Variants in ZNF256 observed in about 807,000 individuals in gnomAD.
ZNF256 encodes bone marrow zinc finger 3.
A neutral mutation model predicts 7.9 loss-of-function variants in ZNF256; 4 were observed. The observed-to-expected ratio is 0.50, with a 90% CI of 0.25 to 1.15. The LOEUF is 1.15. ZNF256 is among the 50% of genes most tolerant of loss of function. ZNF256 has a pLI of 0.15. For synonymous variants in ZNF256, 260 were observed against 260.4 expected (o/e 1.00, Z 0.02); for missense variants, 666 against 755.9 (o/e 0.88, Z 1.39).
chr19:57,946,596 G>A (rs982232181), intron 1 of ZNF256, among the ~76,000 whole-genome samples: 3 of 152,074 alleles, frequency 2.0e-5, no homozygotes, highest in Admixed American at 6.6e-5. Flanking sequence ...ACTTGGACTA[G>A]TCTACCCTGA....
chr19:57,941,549 G>C lies in ZNF256; in HGVS notation c.1259C>G (p.Ser420Cys). The change falls in exon 3 of 3, where the codon TCT becomes TGT. Residue 420 changes from serine (S) to cysteine (C), a missense_variant. Physicochemically the swap from Ser to Cys is moderately radical, Grantham distance 112 (BLOSUM62 -1). Transcript: ENST00000282308. ...AACTCTCTGGTGTTGGAAGAAACGAGATCTATAAGTAAACAATTTCCCACA... is the reference window on the plus strand; with the variant it reads ...AACTCTCTGGTGTTGGAAGAAACGACATCTATAAGTAAACAATTTCCCACA... The part of the protein sequence containing the change: ...SECGKLFTYR[S>C]RFFQHQRVHT... The C allele has an allele frequency of 6.2e-7, 1 of 1,614,060 alleles. No homozygotes were observed.
intron 1 of ZNF256, 100 bp downstream of exon 1, chr19:57,947,342 C>T: frequency 8.7e-7 from 1 of 1,152,778 alleles, no homozygotes; most frequent in Non-Finnish European, 1.1e-6. Flanking sequence ...GGCGAGCCCC[C>T]GTGTCCTGTC....
At position 57,947,607 on chromosome 19, in the gene ZNF256, G is replaced by GCA; in HGVS notation, c.-134_-133insTG. The GCA allele has an allele frequency of 1.1e-6, 1 of 888,282 alleles. No homozygotes were observed. The highest frequency in any genetic ancestry group is 1.5e-6 in the Non-Finnish European group (1 of 659,726). The allele number at this position is 888,282 out of a possible 1,614,324, so 55.0% of individuals were successfully genotyped here. A position where few individuals can be genotyped will look rare whatever the true frequency, so the allele number is the denominator to read the frequency against. On this transcript the variant is annotated 5_prime_UTR_variant, in exon 1 of 3. It adds an upstream start codon to the 5' untranslated region. Transcript: ENST00000282308. ...GACTCCTCTCGCGCCTTCTCAGTCA[G>GCA]TCACGGATGATGCTGACCCAGCGCT...
rs374948675 is a variant in ZNF256, at chr19:57,941,314, T to C, written c.1494A>G (p.Lys498=). Residue 498 remains lysine, a synonymous_variant, in exon 3 of 3, where the codon AAA becomes AAG. Coordinates refer to ENST00000282308, the MANE Select transcript of ZNF256 (RefSeq NM_005773.3). ...GGAGCGTAGAGCTATGAGTAAATGA[T>C]TTCCCACACTCCCCACATTCATAAG... ...ARPYECGECG[K]SFTHSSTLLQ... 2.1e-5 allele frequency: 34 copies of C among 1,613,858 alleles called. No individual in the cohort carries two copies. The highest frequency in any genetic ancestry group is 2.7e-5 in the Non-Finnish European group (32 of 1,180,004).
In ZNF256 at chr19:57,941,427, T is replaced by C; in HGVS notation, c.1381A>G (p.Arg461Gly). 6.2e-7 allele frequency: 1 copy of C among 1,614,188 alleles called. No homozygotes were observed. Among genetic ancestry groups the C allele is most frequent in the Non-Finnish European group, 8.5e-7 (1 of 1,180,032 alleles). Residue 461 changes from arginine (R) to glycine (G), a missense_variant, in exon 3 of 3, where the codon AGG becomes GGG. By Grantham distance (125) the Arg-to-Gly change is moderately radical. Coordinates refer to ENST00000282308, the MANE Select transcript of ZNF256 (RefSeq NM_005773.3). The stretch of plus-strand genomic sequence containing the variant: ...CCACATTCACTGCACTCATATGGCC[T>C]TTCTCCTGTGTGAACTCTCTCATGT... ...IVHERVHTGE[R>G]PYECSECGKS...
Position 57,947,701 on chromosome 19 carries a change from A to C in ZNF256, c.-227T>G, listed in dbSNP as rs1053009846. On this transcript the variant is annotated 5_prime_UTR_variant, in exon 1 of 3. Transcript: ENST00000282308. ...CGACCGCCACAAGGAGGACAACGGA[A>C]GTCCCGCCGCGACCGCGCGTGCGCT... 3.1e-5 allele frequency: 13 copies of C among 420,526 alleles called. No homozygotes were observed. Among genetic ancestry groups the C allele is most frequent in the African/African-American group, 2.6e-4 (13 of 49,068 alleles). The allele number at this position is 420,526 out of a possible 1,614,324, so 26.0% of individuals were successfully genotyped here.
chr19:57,942,135 CAT>C lies in ZNF256; in HGVS notation c.671_672del (p.His224ArgfsTer11), dbSNP rs2072734157. On this transcript the variant is annotated frameshift_variant, in exon 3 of 3. Coordinates refer to ENST00000282308, the MANE Select transcript of ZNF256 (RefSeq NM_005773.3). LOFTEE classifies it low-confidence loss of function (END_TRUNC). ...AGGTCTCCCTGGTGCTGAACACGTA[CAT>C]GTTTGTAGCTGAAAGCTTTCACACA... is the stretch of plus-strand genomic sequence containing the variant. The part of the protein sequence containing the change: ...GECVKAFSYK[H>X]VRVQHQGDLI... 1 of 1,614,236 alleles carries C rather than the reference CAT, an allele frequency of 6.2e-7. No homozygotes were observed. Among genetic ancestry groups the C allele is most frequent in the Non-Finnish European group, 8.5e-7 (1 of 1,180,042 alleles).
rs2072746689 is a variant in ZNF256 at position 57,943,846 on chromosome 19, A to G, written c.160+88T>C. On this transcript the variant is annotated intron_variant, in intron 2 of 2. Transcript: ENST00000282308. ...CCCAGGAACAGGAAGCTGTGTCAAT[A>G]GTCCTCTTGTGAAGACACATCTGAC... is the stretch of plus-strand genomic sequence containing the variant. 3.3e-6 allele frequency: 5 copies of G among 1,526,938 alleles called. 1 individual carries two copies. The highest frequency in any genetic ancestry group is 2.8e-5 in the African/African-American group (2 of 72,156). The allele number at this position is 1,526,938 out of a possible 1,614,324, so 94.6% of individuals were successfully genotyped here.
In ZNF256 at chr19:57,941,414, C is replaced by A. The variant is rs1439699777; in HGVS notation, c.1394G>T (p.Cys465Phe). 46 of 1,614,098 alleles carry A rather than the reference C, an allele frequency of 2.8e-5. No individual in the cohort carries two copies. Among genetic ancestry groups the A allele is most frequent in the Non-Finnish European group, 3.8e-5 (45 of 1,180,054 alleles). Reference protein sequence around the residue: ...RVHTGERPYECSECGKSFTCK... With the variant: ...RVHTGERPYEFSECGKSFTCK... ...GGTAAAGGATTTTCCACATTCACTG[C>A]ACTCATATGGCCTTTCTCCTGTGTG... Residue 465 changes from cysteine (C) to phenylalanine (F), a missense_variant, in exon 3 of 3, where the codon TGC becomes TTC. Physicochemically the swap from Cys to Phe is radical, Grantham distance 205. Coordinates refer to ENST00000282308, the MANE Select transcript of ZNF256 (RefSeq NM_005773.3).
Position 57,942,211 on chromosome 19 carries a change from C to G in ZNF256, c.597G>C (p.Lys199Asn). The G allele has an allele frequency of 6.2e-7, 1 of 1,614,240 alleles. No homozygotes were observed. Among genetic ancestry groups the G allele is most frequent in the Non-Finnish European group, 8.5e-7 (1 of 1,180,042 alleles). The change falls in exon 3 of 3, where the codon AAG becomes AAC. Residue 199 changes from lysine (K) to asparagine (N), a missense_variant. Coordinates refer to ENST00000282308, the MANE Select transcript of ZNF256 (RefSeq NM_005773.3). ...AHTRKKSNRT[K>N]SAVAFHSVKN... ...TTACACTGTGAAAGGCCACTGCACT[C>G]TTGGTTCTGTTTGACTTCTTTCTGG...
chr19:57,941,365 G>A lies in ZNF256; in HGVS notation c.1443C>T (p.His481=). 6.2e-7 allele frequency: 1 copy of A among 1,614,014 alleles called. No individual in the cohort carries two copies. Among genetic ancestry groups the A allele is most frequent in the Non-Finnish European group, 8.5e-7 (1 of 1,180,006 alleles). ...GCCTTGCTCCAGTATGAACTTTCCA[G>A]TGTGAGATGAGGTAGGATTTACAGG... ...SFTCKSYLIS[H]WKVHTGARPY... Residue 481 remains histidine (H), a synonymous_variant, in exon 3 of 3, where the codon CAC becomes CAT. Coordinates refer to ENST00000282308, the MANE Select transcript of ZNF256 (RefSeq NM_005773.3).
At chr19:57,943,264 G>A (rs2072742834) in intron 2 of ZNF256, among the ~76,000 whole-genome samples, 1 of 152,166 alleles carries the variant, frequency 6.6e-6, no homozygotes, top group Admixed American at 6.5e-5. Context: ...AACAGGATAT[G>A]TTTCTGGTAT....
rs1197521612 is a variant in ZNF256 at position 57,942,313 on chromosome 19, C to T, written c.495G>A (p.Gly165=). The T allele has an allele frequency of 6.8e-6, 11 of 1,614,234 alleles. No individual in the cohort carries two copies. The highest frequency in any genetic ancestry group is 9.3e-6 in the Non-Finnish European group (11 of 1,180,042). Residue 165 remains glycine, a synonymous_variant, in exon 3 of 3, where the codon GGG becomes GGA. Coordinates refer to ENST00000282308, the MANE Select transcript of ZNF256 (RefSeq NM_005773.3). ...CAACCTCCTTGCAAGTGAAGGGCTT[C>T]CCAGATACTTCAAATGTGCAGCTGC... ...FLSSCTFEVS[G]KPFTCKEVGK...
Position 57,941,155 on chromosome 19 carries a change from CT to C in ZNF256, c.1652del (p.Glu551GlyfsTer69). 2.5e-6 allele frequency: 4 copies of C among 1,614,012 alleles called. No individual in the cohort carries two copies. The highest frequency in any genetic ancestry group is 3.4e-6 in the Non-Finnish European group (4 of 1,179,990). On this transcript the variant is annotated frameshift_variant, in exon 3 of 3. Coordinates refer to ENST00000282308, the MANE Select transcript of ZNF256 (RefSeq NM_005773.3). LOFTEE classifies it low-confidence loss of function (END_TRUNC). ...HTGERPYECSECWKSFSNHSS... is the reference protein window; with the variant it reads ...HTGERPYECSXCWKSFSNHSS... Reference sequence around the variant, plus strand: ...AGTGGTTACTAAAGGATTTCCAACACTCACTGCACTCATAAGGCCTTTCTCC... The same window carrying C: ...AGTGGTTACTAAAGGATTTCCAACACCACTGCACTCATAAGGCCTTTCTCC...
intron 1 of ZNF256, among the ~76,000 whole-genome samples, chr19:57,946,612 C>T (rs2072767900): frequency 6.6e-6 from 1 of 152,088 alleles, no homozygotes; most frequent in South Asian, 2.1e-4. Context: ...CCTGATTTTC[C>T]TTCCTCCTCC....
At position 57,942,273 on chromosome 19, in the gene ZNF256, C is replaced by T. The variant is rs770584456; in HGVS notation, c.535G>A (p.Val179Met). Residue 179 changes from valine (V) to methionine (M), a missense_variant, in exon 3 of 3, where the codon GTG becomes ATG. Transcript: ENST00000282308. ...TGTTGCTGAAGAAATCTTGATCTCA[C>T]CAGGAAATCCTTCCCAACCTCCTTG... ...TCKEVGKDFLVRSRFLQQQAA... is the reference protein window; with the variant it reads ...TCKEVGKDFLMRSRFLQQQAA... The T allele has an allele frequency of 1.9e-6, 3 of 1,614,100 alleles. No individual in the cohort carries two copies. The African/African-American group carries it at 4.0e-5, about 22-fold the overall frequency.
chr19:57,943,318 GT>G (rs1700065959), intron 2 of ZNF256, among the ~76,000 whole-genome samples: 1 of 152,098 alleles, frequency 6.6e-6, no homozygotes. Context: ...TTAGGTGTTA[GT>G]CCCTAGGGCC....
In ZNF256 at chr19:57,942,324, C is replaced by T. The variant is rs1568560619; in HGVS notation, c.484G>A (p.Glu162Lys). The T allele has an allele frequency of 6.2e-7, 1 of 1,614,218 alleles. No individual in the cohort carries two copies. The highest frequency in any genetic ancestry group is 2.2e-5 in the East Asian group (1 of 44,886). Residue 162 changes from glutamate (E) to lysine (K), a missense_variant, in exon 3 of 3, where the codon GAA (glutamate) becomes AAA (lysine). By Grantham distance (56) the Glu-to-Lys change is moderately conservative. Coordinates refer to ENST00000282308, the MANE Select transcript of ZNF256 (RefSeq NM_005773.3). ...RDMFLSSCTF[E>K]VSGKPFTCKE... ...CAAGTGAAGGGCTTCCCAGATACTT[C>T]AAATGTGCAGCTGCTCAAAAACATG...
rs1178555262 is a variant in ZNF256, at chr19:57,941,186, T to C, written c.1622A>G (p.His541Arg). 1 of 1,614,244 alleles carries C rather than the reference T, an allele frequency of 6.2e-7. No individual in the cohort carries two copies. Among genetic ancestry groups the C allele is most frequent in the Non-Finnish European group, 8.5e-7 (1 of 1,180,044 alleles). Reference sequence around the variant, plus strand: ...GCACTCATAAGGCCTTTCTCCGGTGTGACTTCTCCTATGTCTAATGAGGCT... The same window carrying C: ...GCACTCATAAGGCCTTTCTCCGGTGCGACTTCTCCTATGTCTAATGAGGCT... Reference protein sequence around the residue: ...SSSLIRHRRSHTGERPYECSE... With the variant: ...SSSLIRHRRSRTGERPYECSE... Residue 541 changes from histidine to arginine, a missense_variant, in exon 3 of 3, where the codon CAC becomes CGC. Transcript: ENST00000282308.
Sources: allele counts gnomAD v4.1 joint callset (sites outside exome capture counted in the v4.1 genomes callset), GRCh38; gene constraint gnomAD v4.1.1; transcripts MANE v1.5; gene names NCBI Gene and HGNC (gene_info 2026-07-23, HGNC 2026-07-21).